The following ARSG variants were observed in gnomAD, a reference collection of about 807,000 sequenced individuals.
ARSG encodes ASG.
Under a neutral mutation model 50.5 loss-of-function variants are expected in ARSG, and 37 were observed. That is an observed-to-expected ratio of 0.73 (90% CI 0.56 to 0.96). ARSG has a LOEUF of 0.96. Among genes scored for constraint, ARSG ranks in the 50% least tolerant of loss-of-function variants. The pLI is 0.00. For missense variants in ARSG, 629 were observed against 675.3 expected (o/e 0.93, Z 0.76); for synonymous variants, 225 against 254.6 (o/e 0.88, Z 1.11).
At chr17:68,382,448 GTTA>G (rs1307183797) in intron 8 of ARSG, among the ~76,000 whole-genome samples, 3 of 152,280 alleles carry the variant, frequency 2.0e-5, no homozygotes, top group East Asian at 3.9e-4. Flanking sequence ...AATACGAGAT[GTTA>G]TTGTTGTTGT....
At chr17:68,295,436 T>C (rs2076169270) in intron 1 of ARSG, among the ~76,000 whole-genome samples, 1 of 152,048 alleles carries the variant, frequency 6.6e-6, no homozygotes, top group Non-Finnish European at 1.5e-5. Context: ...CATAGTTGAC[T>C]GCTCCTGTAG....
chr17:68,345,269 C>T lies in ARSG; in HGVS notation c.406+1478C>T, dbSNP rs138438032. Among the ~76,000 whole-genome samples the T allele has an allele frequency of 5.3e-3, 814 of 152,246 alleles. 8 individuals carry two copies. The highest frequency in any genetic ancestry group is 0.017 in the African/African-American group (704 of 41,526). Reference sequence around the variant, plus strand: ...GGAGGATCCCTCGAGCCCAGGAGATCGAGACCAGCCTGGGCACCATAGTGA... The same window carrying T: ...GGAGGATCCCTCGAGCCCAGGAGATTGAGACCAGCCTGGGCACCATAGTGA... On this transcript the variant is annotated intron_variant, in intron 3 of 11. Transcript: ENST00000621439.
At chr17:68,395,337 C>T in intron 10 of ARSG, 144 bp downstream of exon 10, 2 of 1,311,054 alleles carry the variant, frequency 1.5e-6, no homozygotes, top group Non-Finnish European at 1.0e-6. Flanking sequence ...CCTGTAATCC[C>T]AGCACTTTAG....
the ARSG span, among the ~76,000 whole-genome samples, chr17:68,433,759 A>ATTT: frequency 2.3e-5 from 2 of 87,082 alleles, no homozygotes; most frequent in African/African-American, 5.1e-5. Context: ...AAAGGGTCAT[A>ATTT]GTTTTTTTTT....
intron 6 of ARSG, 32 bp downstream of exon 6, chr17:68,356,836 C>T (rs1311457708): frequency 1.2e-6 from 2 of 1,613,192 alleles, no homozygotes; most frequent in African/African-American, 1.3e-5. Flanking sequence ...GCAGGGCCTC[C>T]CCCTGCCTCC....
At chr17:68,446,212 G>T in the ARSG span, among the ~76,000 whole-genome samples, 4 of 151,064 alleles carry the variant, frequency 2.6e-5, no homozygotes, top group Admixed American at 6.6e-5. Flanking sequence ...ACAGGGTCTC[G>T]TTCTGTCACC....
chr17:68,303,309 A>T (rs896187384), intron 1 of ARSG, among the ~76,000 whole-genome samples: 5 of 152,066 alleles, frequency 3.3e-5, no homozygotes, highest in African/African-American at 1.2e-4. Context: ...ATTTTTTTGT[A>T]GAGATCAGGT....
In ARSG at chr17:68,384,292, G is replaced by C. The variant is rs967282252; in HGVS notation, c.983-772G>C. Among the ~76,000 whole-genome samples, 8 of 152,268 alleles carry C rather than the reference G, an allele frequency of 5.3e-5. No homozygotes were observed. The South Asian group carries it at 6.2e-4, about 12-fold the overall frequency. ...TTAATGCAACCCAACATGTATTCAGGATGTTTCCATCAAGCATGACCTCAT... is the reference window on the plus strand; with the variant it reads ...TTAATGCAACCCAACATGTATTCAGCATGTTTCCATCAAGCATGACCTCAT... On this transcript the variant is annotated intron_variant, in intron 8 of 11. Transcript: ENST00000621439.
chr17:68,415,961 T>C (rs1247072056), intron 11 of ARSG, among the ~76,000 whole-genome samples: 3 of 152,228 alleles, frequency 2.0e-5, no homozygotes, highest in African/African-American at 7.2e-5. Context: ...GGTGATCTTA[T>C]CCATTCTGCT....
intron 3 of ARSG, among the ~76,000 whole-genome samples, chr17:68,344,884 C>T (rs1018311779): frequency 1.3e-5 from 2 of 152,226 alleles, no homozygotes; most frequent in African/African-American, 2.4e-5. Flanking sequence ...GTTGTTCTAC[C>T]CAGACCCAGG....
At chr17:68,426,027 T>G (rs1277963881), downstream of ARSG, 3 of 1,520,902 alleles carry the variant, frequency 2.0e-6, no homozygotes, top group East Asian at 6.7e-5. Flanking sequence ...AAGGTTTCCT[T>G]CTAAGCACAC....
chr17:68,317,454 T>C (rs1047023183), intron 2 of ARSG, among the ~76,000 whole-genome samples: 1 of 151,874 alleles, frequency 6.6e-6, no homozygotes, highest in Non-Finnish European at 1.5e-5. Context: ...AAAATAATGA[T>C]GAACTGTTTT....
chr17:68,383,739 G>A (rs1481909452), intron 8 of ARSG, among the ~76,000 whole-genome samples: 1 of 152,208 alleles, frequency 6.6e-6, no homozygotes, highest in African/African-American at 2.4e-5. Flanking sequence ...TAAATTGGAG[G>A]GAGCTATATG....
At chr17:68,306,148 A>G (rs889415098) in intron 1 of ARSG, among the ~76,000 whole-genome samples, 1 of 151,938 alleles carries the variant, frequency 6.6e-6, no homozygotes, top group Admixed American at 6.6e-5. Context: ...GATTGCAGGC[A>G]TACGCCACCA....
chr17:68,433,390 G>T, the ARSG span: 2 of 1,272,174 alleles, frequency 1.6e-6, no homozygotes, highest in Non-Finnish European at 2.3e-6. Flanking sequence ...AAAGAAAAGA[G>T]ATCATTCATG....
At chr17:68,406,704 G>A (rs1452265263) in intron 11 of ARSG, among the ~76,000 whole-genome samples, 1 of 152,078 alleles carries the variant, frequency 6.6e-6, no homozygotes, top group African/African-American at 2.4e-5. Flanking sequence ...CATGTGCTTA[G>A]CTCACTTTTT....
downstream of ARSG, among the ~76,000 whole-genome samples, chr17:68,423,034 G>A (rs927065004): frequency 9.9e-5 from 15 of 152,172 alleles, no homozygotes; most frequent in Admixed American, 7.9e-4. This position sits in a 1 kb window ranked among gnomAD's most constrained non-coding sequence, Gnocchi z 4.4. Context: ...GATGACCCGC[G>A]TTCTTAAGGC....
At chr17:68,371,334 A>AG (rs1380286926) in intron 8 of ARSG, among the ~76,000 whole-genome samples, 1 of 151,652 alleles carries the variant, frequency 6.6e-6, no homozygotes, top group Non-Finnish European at 1.5e-5. Context: ...AAAAAAAAAA[A>AG]AAGAAGGAGA....
intron 4 of ARSG, among the ~76,000 whole-genome samples, chr17:68,348,562 C>T (rs9910816): frequency 0.51 from 77,136 of 151,822 alleles, 19,781 homozygotes; most frequent in Admixed American, 0.57. Flanking sequence ...ATCCTCTCTG[C>T]GGTGCACTGT....
Sources: allele counts gnomAD v4.1 joint callset (sites outside exome capture counted in the v4.1 genomes callset), GRCh38; gene constraint gnomAD v4.1.1; non-coding constraint Gnocchi (gnomAD v3.1); transcripts MANE v1.5; gene names NCBI Gene and HGNC (gene_info 2026-07-23, HGNC 2026-07-21).